SH3BGRL2: variants seen among roughly 807,000 people sequenced by gnomAD.
The protein encoded by SH3BGRL2 is SH3 domain binding glutamate rich protein like 2, also known as SH3 domain-binding glutamic acid-rich-like protein 2.
In SH3BGRL2, 21 loss-of-function variants were observed where a neutral mutation model predicts 14.8. That is an observed-to-expected ratio of 1.42 (90% CI 1.01 to 2.05). The LOEUF is 2.05. Ranked by LOEUF, SH3BGRL2 falls within the 30% of genes most tolerant of loss-of-function variation. The pLI is 0.00. For missense variants in SH3BGRL2, 147 were observed against 130.8 expected, an observed-to-expected ratio of 1.12 and a Z score of -0.61; for synonymous variants, 50 against 47.8, an observed-to-expected ratio of 1.05 and a Z score of -0.19.
chr6:79,635,939 G>C (rs75725908), intron 1 of SH3BGRL2, among the ~76,000 whole-genome samples: 5,521 of 152,272 alleles, frequency 0.036, 325 homozygotes, highest in African/African-American at 0.12. Flanking sequence ...AGGCTTCCCT[G>C]TGTAAGGACA....
At chr6:79,625,005 A>G in the SH3BGRL2 span, among the ~76,000 whole-genome samples, 3 of 152,018 alleles carry the variant, frequency 2.0e-5, no homozygotes, top group Admixed American at 6.6e-5. Flanking sequence ...CGTGTCTACA[A>G]AAAAATTAAA....
intron 1 of SH3BGRL2, among the ~76,000 whole-genome samples, chr6:79,668,656 A>C (rs1420052016): frequency 6.6e-6 from 1 of 152,152 alleles, no homozygotes; most frequent in African/African-American, 2.4e-5. Flanking sequence ...AAGCAGATTC[A>C]GGGAAATACC....
upstream of SH3BGRL2, among the ~76,000 whole-genome samples, chr6:79,629,407 AG>A (rs1447255146): frequency 6.6e-6 from 1 of 151,910 alleles, no homozygotes; most frequent in Non-Finnish European, 1.5e-5. Flanking sequence ...CTGTGGTCAG[AG>A]GGTTAGGCCC....
chr6:79,671,159 A>G (rs548836904), intron 1 of SH3BGRL2, among the ~76,000 whole-genome samples: 26 of 152,136 alleles, frequency 1.7e-4, no homozygotes, highest in African/African-American at 5.8e-4. Context: ...GGTACCTTCC[A>G]CCCATGGATC....
the SH3BGRL2 span, among the ~76,000 whole-genome samples, chr6:79,581,966 T>C: frequency 6.6e-6 from 1 of 152,136 alleles, no homozygotes; most frequent in African/African-American, 2.4e-5. Flanking sequence ...TGTGCAAAAA[T>C]CACAAGCAAT....
At chr6:79,607,702 TG>T in the SH3BGRL2 span, among the ~76,000 whole-genome samples, 43 of 152,050 alleles carry the variant, frequency 2.8e-4, no homozygotes, top group Admixed American at 2.8e-3. Flanking sequence ...CCCAGAACTT[TG>T]GGAGGCTGAG....
the SH3BGRL2 span, among the ~76,000 whole-genome samples, chr6:79,572,704 A>T: frequency 1.3e-5 from 2 of 152,100 alleles, no homozygotes; most frequent in Non-Finnish European, 2.9e-5. Context: ...TGACCTCGTG[A>T]TCCGCCCGCC....
chr6:79,617,450 A>G, the SH3BGRL2 span, among the ~76,000 whole-genome samples: 1 of 152,170 alleles, frequency 6.6e-6, no homozygotes, highest in African/African-American at 2.4e-5. Context: ...CCCTATTTAT[A>G]CTGAAGTTTA....
intron 2 of SH3BGRL2, among the ~76,000 whole-genome samples, chr6:79,680,725 G>A (rs538634653): frequency 1.3e-5 from 2 of 152,052 alleles, no homozygotes; most frequent in East Asian, 3.9e-4. Flanking sequence ...CCATTTATTT[G>A]AATCTCCTTT....
chr6:79,556,893 CTGTCTT>C, the SH3BGRL2 span, among the ~76,000 whole-genome samples: 1 of 150,958 alleles, frequency 6.6e-6, no homozygotes, highest in African/African-American at 2.5e-5. Context: ...AAAACATTAA[CTGTCTT>C]TGGATAATGG....
the SH3BGRL2 span, among the ~76,000 whole-genome samples, chr6:79,596,558 G>C: frequency 1.3e-5 from 2 of 152,196 alleles, no homozygotes; most frequent in African/African-American, 2.4e-5. Context: ...GCCTCCCAAA[G>C]AGCTGGGATT....
chr6:79,545,476 C>CATT, the SH3BGRL2 span, among the ~76,000 whole-genome samples: 1 of 152,108 alleles, frequency 6.6e-6, no homozygotes, highest in Admixed American at 6.6e-5. Flanking sequence ...TTTCTTTAAC[C>CATT]ATTATTATAC....
chr6:79,658,315 C>T (rs1159035879), intron 1 of SH3BGRL2, among the ~76,000 whole-genome samples: 4 of 152,136 alleles, frequency 2.6e-5, no homozygotes, highest in Non-Finnish European at 5.9e-5. Context: ...CCGACAGGCC[C>T]CAGTGTGTAA....
the SH3BGRL2 span, among the ~76,000 whole-genome samples, chr6:79,568,618 A>G: frequency 6.6e-6 from 1 of 152,214 alleles, no homozygotes; most frequent in African/African-American, 2.4e-5. Context: ...GATAATGATT[A>G]CCTAGGAAGC....
intron 2 of SH3BGRL2, among the ~76,000 whole-genome samples, chr6:79,692,800 G>A (rs1302737874): frequency 4.9e-4 from 75 of 151,874 alleles, no homozygotes; most frequent in East Asian, 2.5e-3. Context: ...TGATGCCTCT[G>A]GCTTTGTTCT....
the SH3BGRL2 span, among the ~76,000 whole-genome samples, chr6:79,559,284 T>C: frequency 1.3e-5 from 2 of 152,090 alleles, no homozygotes; most frequent in Admixed American, 6.5e-5. Context: ...GGCAACATGG[T>C]GAGACCCCAT....
the SH3BGRL2 span, among the ~76,000 whole-genome samples, chr6:79,608,501 C>T: frequency 6.6e-6 from 1 of 152,176 alleles, no homozygotes; most frequent in African/African-American, 2.4e-5. Context: ...GTTTAACTCA[C>T]TGTGTCGTAC....
chr6:79,566,563 G>A, the SH3BGRL2 span, among the ~76,000 whole-genome samples: 1,388 of 152,124 alleles, frequency 9.1e-3, 13 homozygotes, highest in Middle Eastern at 0.027. Flanking sequence ...GAATTTTATC[G>A]TTTGTCAGTT....
chr6:79,555,225 G>A, the SH3BGRL2 span, among the ~76,000 whole-genome samples: 25 of 152,022 alleles, frequency 1.6e-4, no homozygotes, highest in Middle Eastern at 6.8e-3. Context: ...TGAGGCAGGC[G>A]GATCACCTGA....
Sources: allele counts gnomAD v4.1 joint callset (sites outside exome capture counted in the v4.1 genomes callset), GRCh38; gene constraint gnomAD v4.1.1; transcripts MANE v1.5; gene names NCBI Gene and HGNC (gene_info 2026-07-23, HGNC 2026-07-21).